GATAD2B: variants seen among roughly 807,000 people sequenced by gnomAD.
The protein encoded by GATAD2B is transcriptional repressor p66-beta.
A neutral mutation model predicts 64.3 loss-of-function variants in GATAD2B; 8 were observed. The observed-to-expected ratio is 0.12, with a 90% CI of 0.07 to 0.22. The LOEUF (loss-of-function observed/expected upper bound fraction) is 0.22, where lower values mean the gene tolerates loss of function less well. Ranked by LOEUF, GATAD2B falls within the 10% of genes least tolerant of loss-of-function variation. The pLI is 1.00. For missense variants in GATAD2B, 453 were observed against 752.0 expected, an observed-to-expected ratio of 0.60 and a Z score of 4.65; for synonymous variants, 281 against 271.3, an observed-to-expected ratio of 1.04 and a Z score of -0.35.
chr1:153,850,138 T>C (rs1270367849), intron 1 of GATAD2B, among the ~76,000 whole-genome samples: 1 of 152,224 alleles, frequency 6.6e-6, no homozygotes, highest in Admixed American at 6.5e-5. Context: ...TGGCTTAAAC[T>C]GTGGATCTGT....
At chr1:153,897,318 T>C (rs1026423491) in intron 1 of GATAD2B, among the ~76,000 whole-genome samples, 1 of 152,154 alleles carries the variant, frequency 6.6e-6, no homozygotes, top group African/African-American at 2.4e-5. Flanking sequence ...CGTGAGCCAC[T>C]GCGCCTGGCC....
At chr1:153,899,023 A>T (rs900253301) in intron 1 of GATAD2B, 1 of 152,204 alleles carries the variant, frequency 6.6e-6, no homozygotes, top group Non-Finnish European at 1.5e-5. Flanking sequence ...TCAGATTATC[A>T]AAACTTTTAC....
intron 1 of GATAD2B, among the ~76,000 whole-genome samples, chr1:153,876,615 G>A (rs1401702484): frequency 6.6e-6 from 1 of 152,212 alleles, no homozygotes; most frequent in Non-Finnish European, 1.5e-5. Context: ...GTAATGAACA[G>A]GAGGTAAACA....
chr1:153,870,232 G>A (rs899641082), intron 1 of GATAD2B, among the ~76,000 whole-genome samples: 2 of 152,174 alleles, frequency 1.3e-5, no homozygotes, highest in African/African-American at 4.8e-5. Context: ...TTGCAAGCAT[G>A]AGCCACTGTA....
intron 1 of GATAD2B, among the ~76,000 whole-genome samples, chr1:153,919,916 C>G (rs947197042): frequency 6.6e-6 from 1 of 152,176 alleles, no homozygotes; most frequent in African/African-American, 2.4e-5. Context: ...TCCCTCAGTC[C>G]CAGTTATGGC....
chr1:153,886,658 G>A (rs1677195197), intron 1 of GATAD2B: 1 of 150,432 alleles, frequency 6.6e-6, no homozygotes, highest in South Asian at 2.1e-4. Context: ...TTCCCGACTA[G>A]CTGGGACCTC....
rs1347146976 is a variant in GATAD2B at position 153,893,979 on chromosome 1, A to AAAAT, written c.-2+28753_-2+28754insATTT. Among the ~76,000 whole-genome samples, 781 of 134,388 alleles carry AAAAT rather than the reference A, an allele frequency of 5.8e-3. 6 individuals are homozygous for AAAAT. Among genetic ancestry groups the AAAAT allele is most frequent in the African/African-American group, 0.02 (750 of 37,002 alleles). The allele number at this position is 134,388 out of a possible 152,430, so 88.2% of individuals were successfully genotyped here. On this transcript the variant is annotated intron_variant, in intron 1 of 10. Transcript: ENST00000368655. ...CTAAAAAAAAAAAAAAAAAAAAAAAAAAACCCAAAAAATGTCCCCATACTA... is the reference window on the plus strand; with the variant it reads ...CTAAAAAAAAAAAAAAAAAAAAAAAAAAATAAACCCAAAAAATGTCCCCATACTA...
intron 1 of GATAD2B, among the ~76,000 whole-genome samples, chr1:153,836,096 T>G (rs1426487784): frequency 2.0e-5 from 3 of 151,962 alleles, no homozygotes; most frequent in Non-Finnish European, 4.4e-5. Context: ...TTTGCTTTAT[T>G]GTGGTGGTCT....
At position 153,827,896 on chromosome 1, in the gene GATAD2B, T is replaced by C. The variant is rs988914963; in HGVS notation, c.335+117A>G. ...GAATTTATGGTCAAACTCGATGATATATCTTCTTTTAAGAATCTTTAGGAT... is the reference window on the plus strand; with the variant it reads ...GAATTTATGGTCAAACTCGATGATACATCTTCTTTTAAGAATCTTTAGGAT... On this transcript the variant is annotated intron_variant, in intron 2 of 10. Transcript: ENST00000368655. 9 of 755,162 alleles carry C rather than the reference T, an allele frequency of 1.2e-5. No individual in the cohort carries two copies. In the African/African-American group the frequency reaches 1.4e-4, roughly 12 times the overall value. 46.8% of individuals were successfully genotyped at this position (755,162 alleles called of 1,614,324 possible).
intron 1 of GATAD2B, among the ~76,000 whole-genome samples, chr1:153,841,728 A>G (rs544708821): frequency 6.6e-6 from 1 of 152,288 alleles, no homozygotes; most frequent in South Asian, 2.1e-4. Context: ...GTTTTTGGCT[A>G]TTAGGAATAC....
In GATAD2B at chr1:153,806,385, GGT is replaced by G. The variant is rs1674112369; in HGVS notation, c.*3790_*3791del. 6.6e-6 allele frequency: 1 copy of G among 151,646 alleles called. No individual in the cohort carries two copies. The highest frequency in any genetic ancestry group is 2.4e-5 in the African/African-American group (1 of 41,190). 9.4% of individuals were successfully genotyped at this position (151,646 alleles called of 1,614,324 possible). Reference sequence around the variant, plus strand: ...GGCAAGGCACAAATTAGGGGTGGGTGGTGGGGGAGGTGGCATCTCTAAGGAGG... The same window carrying G: ...GGCAAGGCACAAATTAGGGGTGGGTGGGGGGAGGTGGCATCTCTAAGGAGG... On this transcript the variant is annotated 3_prime_UTR_variant, in exon 11 of 11. Coordinates refer to ENST00000368655, the MANE Select transcript of GATAD2B (RefSeq NM_020699.4).
intron 2 of GATAD2B, among the ~76,000 whole-genome samples, chr1:153,820,596 T>C (rs1330382856): frequency 1.3e-5 from 2 of 152,162 alleles, no homozygotes; most frequent in African/African-American, 4.8e-5. Context: ...GCGTAGTTGG[T>C]AGTATATAGG....
chr1:153,828,434 C>T, intron 1 of GATAD2B, 86 bp from the exon 2 acceptor site: 2 of 811,382 alleles, frequency 2.5e-6, no homozygotes, highest in Non-Finnish European at 1.9e-6. Context: ...AAGTTATTAA[C>T]AAGAATCTCT....
intron 1 of GATAD2B, among the ~76,000 whole-genome samples, chr1:153,874,275 AAGAG>A (rs1676758410): frequency 6.6e-6 from 1 of 151,872 alleles, no homozygotes; most frequent in South Asian, 2.1e-4. Context: ...AGAAAAAAAA[AAGAG>A]AGAGGGAAAG....
chr1:153,917,012 T>C (rs549135927), intron 1 of GATAD2B, among the ~76,000 whole-genome samples: 19 of 143,886 alleles, frequency 1.3e-4, no homozygotes, highest in Middle Eastern at 4.2e-3. Context: ...TTCACCATTT[T>C]GGCCAGGCGG....
Position 153,842,750 on chromosome 1 carries a change from T to C in GATAD2B, c.-1-14402A>G, listed in dbSNP as rs577231470. Among the ~76,000 whole-genome samples the C allele has an allele frequency of 2.6e-3, 400 of 151,308 alleles. 5 individuals carry two copies. The highest frequency in any genetic ancestry group is 0.017 in the Middle Eastern group (5 of 294). On this transcript the variant is annotated intron_variant, in intron 1 of 10. Coordinates refer to ENST00000368655, the MANE Select transcript of GATAD2B (RefSeq NM_020699.4). ...TCACTGCAGCCTCCGCCTCCCGGGT[T>C]CAAGCAATTCTCCTACCTCAACCTC...
chr1:153,892,163 CAAAAAAAAAAA>C (rs900308080), intron 1 of GATAD2B, among the ~76,000 whole-genome samples: 9 of 50,320 alleles, frequency 1.8e-4, no homozygotes, highest in Admixed American at 6.5e-4. Context: ...GACTCCGTCT[CAAAAAAAAAAA>C]AAAAAAAAAA....
intron 1 of GATAD2B, chr1:153,853,369 C>A: frequency 1.5e-6 from 1 of 686,956 alleles, no homozygotes; most frequent in South Asian, 1.6e-5. Flanking sequence ...GTTGACCACC[C>A]GAGTCATCAC....
At position 153,901,818 on chromosome 1, in the gene GATAD2B, T is replaced by C. The variant is rs565069143; in HGVS notation, c.-2+20915A>G. On this transcript the variant is annotated intron_variant, in intron 1 of 10. Transcript: ENST00000368655. ...CAGCCTGGGAGACAGAGCAAAACTC[T>C]TGCTAAAAATAAATAAATAAATAAA... Among the ~76,000 whole-genome samples the C allele has an allele frequency of 4.3e-5, 6 of 138,752 alleles. No homozygotes were observed. The South Asian group carries it at 1.4e-3, about 33-fold the overall frequency. The allele number at this position is 138,752 out of a possible 152,430, so 91.0% of individuals were successfully genotyped here.
Sources: gnomAD v4.1 joint callset for allele counts (sites outside exome capture counted in the v4.1 genomes callset) on GRCh38, gnomAD v4.1.1 for gene constraint, MANE v1.5 for transcripts, NCBI Gene and HGNC (gene_info 2026-07-23, HGNC 2026-07-21) for gene names.